Variants in UNC5D observed in about 807,000 individuals in gnomAD.
UNC5D encodes unc-5 netrin receptor D, also known as netrin receptor UNC5D.
A neutral mutation model predicts 105.4 loss-of-function variants in UNC5D; 39 were observed. The observed-to-expected ratio is 0.37, with a 90% CI of 0.29 to 0.48. The LOEUF is 0.48. Ranked by LOEUF, UNC5D falls within the 20% of genes least tolerant of loss-of-function variation. The probability of loss-of-function intolerance (pLI) is 0.98; values close to 1 mark genes in which losing one functional copy is unlikely to be tolerated. For synonymous variants in UNC5D, 452 were observed against 450.4 expected, an observed-to-expected ratio of 1.00 and a Z score of -0.04; for missense variants, 991 against 1,202.4, an observed-to-expected ratio of 0.82 and a Z score of 2.60.
chr8:35,454,722 C>T (rs1430690685), intron 1 of UNC5D, among the ~76,000 whole-genome samples: 1 of 152,068 alleles, frequency 6.6e-6, no homozygotes, highest in Non-Finnish European at 1.5e-5. Context: ...TCTGTGTAGC[C>T]CCCGTACCCA....
intron 4 of UNC5D, among the ~76,000 whole-genome samples, chr8:35,605,636 C>G (rs992979311): frequency 1.3e-5 from 2 of 152,206 alleles, no homozygotes; most frequent in African/African-American, 4.8e-5. Flanking sequence ...TGCCCTGCCC[C>G]CAGAGGTGGA....
intron 4 of UNC5D, among the ~76,000 whole-genome samples, chr8:35,653,265 G>T (rs1563634110): frequency 6.6e-6 from 1 of 151,934 alleles, no homozygotes; most frequent in Non-Finnish European, 1.5e-5. Flanking sequence ...GGATTCATTG[G>T]CCTTCTTCAG....
intron 1 of UNC5D, among the ~76,000 whole-genome samples, chr8:35,526,286 C>A (rs2130495870): frequency 6.6e-6 from 1 of 152,300 alleles, no homozygotes; most frequent in Non-Finnish European, 1.5e-5. Context: ...TCCCTGCAGT[C>A]CTGGGGAGAG....
chr8:35,386,393 T>A (rs1164572864), intron 1 of UNC5D, among the ~76,000 whole-genome samples: 1 of 152,202 alleles, frequency 6.6e-6, no homozygotes. Flanking sequence ...AGCCTGCAAA[T>A]CAATCGGTTG....
At chr8:35,612,723 CTTTT>C (rs57450378) in intron 4 of UNC5D, among the ~76,000 whole-genome samples, 30 of 64,746 alleles carry the variant, frequency 4.6e-4, no homozygotes, top group Non-Finnish European at 6.7e-4. Context: ...AATGTTTTGC[CTTTT>C]TTTTTTTTTT....
chr8:35,440,072 T>G (rs1807299573), intron 1 of UNC5D, among the ~76,000 whole-genome samples: 1 of 152,058 alleles, frequency 6.6e-6, no homozygotes, highest in South Asian at 2.1e-4. Flanking sequence ...AATGTTTTGT[T>G]TACCATACTG....
chr8:35,425,337 C>T (rs1806170768), intron 1 of UNC5D, among the ~76,000 whole-genome samples: 1 of 152,164 alleles, frequency 6.6e-6, no homozygotes, highest in Non-Finnish European at 1.5e-5. Flanking sequence ...AGGCAGAGAT[C>T]TGGGAAGTTT....
intron 1 of UNC5D, among the ~76,000 whole-genome samples, chr8:35,270,937 A>G (rs1025102330): frequency 6.6e-6 from 1 of 151,734 alleles, no homozygotes; most frequent in Non-Finnish European, 1.5e-5. Flanking sequence ...ATATATATAT[A>G]TATTATGGAT....
Position 35,730,993 on chromosome 8 carries a change from T to C in UNC5D, c.1682-19T>C, listed in dbSNP as rs369382815. 7 of 1,612,208 alleles carry C rather than the reference T, an allele frequency of 4.3e-6. No homozygotes were observed. The highest frequency in any genetic ancestry group is 1.7e-5 in the Admixed American group (1 of 59,956). ...ATTGGAAAAATCTATGAATAACCTG[T>C]TGGCTTTTTCTGTTTTAGGGGTGAG... On this transcript the variant is annotated intron_variant, in intron 10 of 16. Coordinates refer to ENST00000404895, the MANE Select transcript of UNC5D (RefSeq NM_080872.4).
chr8:35,762,964 A>ATTCT, intron 14 of UNC5D, among the ~76,000 whole-genome samples: 1 of 152,320 alleles, frequency 6.6e-6, no homozygotes, highest in East Asian at 1.9e-4. Flanking sequence ...CATTTCCGGA[A>ATTCT]TTCTTTAAAC....
intron 1 of UNC5D, among the ~76,000 whole-genome samples, chr8:35,515,086 A>G (rs1813022896): frequency 1.3e-5 from 2 of 152,224 alleles, no homozygotes; most frequent in African/African-American, 4.8e-5. Context: ...AGCTTCAGTG[A>G]CACAAACACA....
intron 1 of UNC5D, among the ~76,000 whole-genome samples, chr8:35,504,389 T>G (rs1050872341): frequency 9.2e-5 from 14 of 152,204 alleles, no homozygotes; most frequent in African/African-American, 3.1e-4. Context: ...TGCTATGCAG[T>G]TGTTAGCTCT....
rs1323727835 is a variant in UNC5D, at chr8:35,512,516, AGAT to A, written c.104-36775_104-36773del. On this transcript the variant is annotated intron_variant, in intron 1 of 16. Transcript: ENST00000404895. ...TATATATATATATATATATCTGCAT[AGAT>A]TATATATTCAGATATGTATGTATAT... is the stretch of plus-strand genomic sequence containing the variant. 3.0e-4 allele frequency among the ~76,000 whole-genome samples: 28 copies of A among 93,050 alleles called. 1 individual carries two copies. Among genetic ancestry groups the A allele is most frequent in the African/African-American group, 5.1e-4 (10 of 19,668 alleles). The allele number at this position is 93,050 out of a possible 152,430, so 61.0% of individuals were successfully genotyped here. A position where few individuals can be genotyped will look rare whatever the true frequency, so the allele number is the denominator to read the frequency against.
intron 1 of UNC5D, among the ~76,000 whole-genome samples, chr8:35,519,470 G>C (rs1813316330): frequency 6.6e-6 from 1 of 152,038 alleles, no homozygotes; most frequent in Non-Finnish European, 1.5e-5. Context: ...CCACTAGTTT[G>C]ACCAGATATG....
intron 1 of UNC5D, among the ~76,000 whole-genome samples, chr8:35,400,893 A>G (rs766400671): frequency 2.6e-5 from 4 of 152,136 alleles, no homozygotes; most frequent in Non-Finnish European, 5.9e-5. Flanking sequence ...GTGCACGTGT[A>G]CAGTGGAGGG....
chr8:35,474,998 A>G (rs1176755840), intron 1 of UNC5D, among the ~76,000 whole-genome samples: 1 of 152,138 alleles, frequency 6.6e-6, no homozygotes, highest in African/African-American at 2.4e-5. Context: ...CATTGTGAAA[A>G]GGAAATGGGG....
chr8:35,483,379 T>A (rs1451448469), intron 1 of UNC5D, among the ~76,000 whole-genome samples: 2 of 152,184 alleles, frequency 1.3e-5, no homozygotes, highest in Non-Finnish European at 2.9e-5. Context: ...CCATAAATAG[T>A]TCAGAATAGT....
chr8:35,746,907 T>C (rs533712405), intron 11 of UNC5D, among the ~76,000 whole-genome samples: 2 of 152,206 alleles, frequency 1.3e-5, no homozygotes, highest in African/African-American at 4.8e-5. Context: ...AGGCTGCACA[T>C]TTGAATTTTA....
At chr8:35,730,981 A>G (rs112260264) in intron 10 of UNC5D, 31 bp from the exon 11 acceptor site, 11 of 1,607,972 alleles carry the variant, frequency 6.8e-6, no homozygotes, top group African/African-American at 6.7e-5. Context: ...GGAAAAATCT[A>G]TGAATAACCT....
Sources: gnomAD v4.1 joint callset for allele counts (sites outside exome capture counted in the v4.1 genomes callset) on GRCh38, gnomAD v4.1.1 for gene constraint, MANE v1.5 for transcripts, NCBI Gene and HGNC (gene_info 2026-07-23, HGNC 2026-07-21) for gene names.